Variants in PHLPP1 observed in about 807,000 individuals in gnomAD.
The protein encoded by PHLPP1 is PH domain and leucine rich repeat protein phosphatase 1.
PHLPP1 carries 42 observed loss-of-function variants against 117.2 expected under a neutral mutation model. The observed-to-expected ratio is 0.36, with a 90% CI of 0.28 to 0.46. PHLPP1 has a LOEUF of 0.46. Among genes scored for constraint, PHLPP1 ranks in the 20% least tolerant of loss-of-function variants. The pLI, the probability that PHLPP1 is intolerant of heterozygous loss-of-function variation, is 1.00. For missense variants in PHLPP1, 2,084 were observed against 2,241.9 expected, an observed-to-expected ratio of 0.93 and a Z score of 1.42; for synonymous variants, 1,042 against 970.7, an observed-to-expected ratio of 1.07 and a Z score of -1.37.
At position 62,860,458 on chromosome 18, in the gene PHLPP1, A is replaced by G. The variant is rs190711929; in HGVS notation, c.1923A>G (p.Ser641=). 5 of 1,613,922 alleles carry G rather than the reference A, an allele frequency of 3.1e-6. No homozygotes were observed. The highest frequency in any genetic ancestry group is 4.2e-6 in the Non-Finnish European group (5 of 1,179,816). The part of the protein sequence containing the change: ...VSKVASQRIS[S]VDLSCCSLEH... ...AGGTTGCATCCCAGCGCATTAGCTC[A>G]GTGGACCTCTCGTGTTGTAGCCTGG... is the stretch of plus-strand genomic sequence containing the variant. Residue 641 remains serine (S), a synonymous_variant, in exon 4 of 17, where the codon TCA becomes TCG. Coordinates refer to ENST00000262719, the MANE Select transcript of PHLPP1 (RefSeq NM_194449.4).
chr18:62,881,010 AC>A (rs1380504578), intron 4 of PHLPP1, among the ~76,000 whole-genome samples: 3 of 152,204 alleles, frequency 2.0e-5, no homozygotes, highest in Admixed American at 6.5e-5. Context: ...GCACATAGTA[AC>A]CAGTAAGTAC....
chr18:62,801,484 C>T (rs998188091), intron 1 of PHLPP1, among the ~76,000 whole-genome samples: 5 of 151,138 alleles, frequency 3.3e-5, no homozygotes, highest in Non-Finnish European at 7.4e-5. Context: ...TCCCTCTGTC[C>T]GTCCGTCGCC....
chr18:62,832,144 T>C (rs1914776204), intron 2 of PHLPP1: 1 of 152,268 alleles, frequency 6.6e-6, no homozygotes, highest in Admixed American at 6.5e-5. Flanking sequence ...TTCAGTATCC[T>C]CTTTGGGGAA....
chr18:62,951,139 G>A (rs1158976072), intron 12 of PHLPP1, among the ~76,000 whole-genome samples: 4 of 151,836 alleles, frequency 2.6e-5, no homozygotes, highest in African/African-American at 4.8e-5. Flanking sequence ...CCGCCACCAC[G>A]CCCGGCTATT....
At chr18:62,976,700 GTT>G (rs1204114050) in intron 16 of PHLPP1, among the ~76,000 whole-genome samples, 1 of 152,158 alleles carries the variant, frequency 6.6e-6, no homozygotes, top group Non-Finnish European at 1.5e-5. Flanking sequence ...GAGTCTTTCT[GTT>G]TCTTTCTTAA....
chr18:62,863,091 G>T (rs1915672246), intron 4 of PHLPP1, among the ~76,000 whole-genome samples: 1 of 150,086 alleles, frequency 6.7e-6, no homozygotes. Flanking sequence ...TATTAAGAAA[G>T]TAAAGGAATA....
intron 1 of PHLPP1, among the ~76,000 whole-genome samples, chr18:62,717,890 C>T (rs1910808804): frequency 6.6e-6 from 1 of 152,044 alleles, no homozygotes; most frequent in South Asian, 2.1e-4. Flanking sequence ...GCAAGTTTGT[C>T]TTGCATAAAA....
intron 1 of PHLPP1, among the ~76,000 whole-genome samples, chr18:62,764,286 T>G (rs1414335818): frequency 6.6e-6 from 1 of 152,210 alleles, no homozygotes; most frequent in African/African-American, 2.4e-5. Context: ...ATAGGCAGAT[T>G]ATTCTTTCTC....
chr18:62,880,079 G>A (rs1035867113), intron 4 of PHLPP1, among the ~76,000 whole-genome samples: 14 of 151,968 alleles, frequency 9.2e-5, no homozygotes, highest in South Asian at 2.1e-4. Context: ...TGAAAACCAT[G>A]TCTAAATCAC....
At chr18:62,964,612 A>G (rs888640714) in intron 14 of PHLPP1, among the ~76,000 whole-genome samples, 1 of 152,178 alleles carries the variant, frequency 6.6e-6, no homozygotes, top group Non-Finnish European at 1.5e-5. Context: ...GGTGTGCCTC[A>G]GTTCTGCCTG....
intron 1 of PHLPP1, among the ~76,000 whole-genome samples, chr18:62,720,873 C>T (rs968973942): frequency 1.3e-5 from 2 of 152,010 alleles, no homozygotes; most frequent in South Asian, 2.1e-4. Context: ...TTATTTCATT[C>T]GCCCTTTCAA....
chr18:62,733,478 G>A lies in PHLPP1; in HGVS notation c.1576+16219G>A, dbSNP rs12459002. Among the ~76,000 whole-genome samples, 587 of 152,202 alleles carry A rather than the reference G, an allele frequency of 3.9e-3. 2 individuals are homozygous for A. The highest frequency in any genetic ancestry group is 6.1e-3 in the Non-Finnish European group (417 of 68,010). On this transcript the variant is annotated intron_variant, in intron 1 of 16. Coordinates refer to ENST00000262719, the MANE Select transcript of PHLPP1 (RefSeq NM_194449.4). ...TTCATGTGACTTTATTGTGATATTCGCCCTATAACAGTGGTCTGGAACTGA... is the reference window on the plus strand; with the variant it reads ...TTCATGTGACTTTATTGTGATATTCACCCTATAACAGTGGTCTGGAACTGA...
intron 1 of PHLPP1, among the ~76,000 whole-genome samples, chr18:62,730,045 T>A (rs1481024579): frequency 6.6e-6 from 1 of 152,244 alleles, no homozygotes; most frequent in Non-Finnish European, 1.5e-5. Flanking sequence ...TGTCTAGATT[T>A]GGACAGTGAG....
intron 1 of PHLPP1, among the ~76,000 whole-genome samples, chr18:62,755,695 ACAT>A (rs983291992): frequency 2.0e-5 from 3 of 152,160 alleles, no homozygotes; most frequent in Non-Finnish European, 2.9e-5. Flanking sequence ...TGTGAGAAAT[ACAT>A]TTCTGTTGTT....
intron 1 of PHLPP1, among the ~76,000 whole-genome samples, chr18:62,803,908 G>A (rs1405260077): frequency 6.6e-6 from 1 of 152,092 alleles, no homozygotes; most frequent in East Asian, 1.9e-4. Flanking sequence ...TGGGCTCATT[G>A]TGATTTTAAT....
Position 62,716,605 on chromosome 18 carries a change from G to T in PHLPP1, c.922G>T (p.Gly308Cys), listed in dbSNP as rs1201771673. Residue 308 changes from glycine to cysteine, a missense_variant, in exon 1 of 17, where the codon GGC (glycine) becomes TGC (cysteine). Coordinates refer to ENST00000262719, the MANE Select transcript of PHLPP1 (RefSeq NM_194449.4). This position sits in a 1 kb window ranked among gnomAD's most constrained non-coding sequence, Gnocchi z 5.7. ...PPADLPLPVG[G>C]PGGWSRRASP... ...CGCCGACCTACCCCTGCCCGTCGGC[G>T]GCCCGGGCGGGTGGTCGCGCCGCGC... 4 of 1,298,786 alleles carry T rather than the reference G, an allele frequency of 3.1e-6. No individual in the cohort carries two copies. The African/African-American group carries it at 6.2e-5, about 20-fold the overall frequency. The allele number at this position is 1,298,786 out of a possible 1,614,324, so 80.5% of individuals were successfully genotyped here.
At position 62,830,213 on chromosome 18, in the gene PHLPP1, G is replaced by A. The variant is rs1397587801; in HGVS notation, c.1755G>A (p.Leu585=). The A allele has an allele frequency of 1.3e-6, 2 of 1,558,536 alleles. No individual in the cohort carries two copies. Among genetic ancestry groups the A allele is most frequent in the Non-Finnish European group, 1.7e-6 (2 of 1,150,606 alleles). The change falls in exon 2 of 17, where the codon CTG becomes CTA. Residue 585 remains leucine, a synonymous_variant. Coordinates refer to ENST00000262719, the MANE Select transcript of PHLPP1 (RefSeq NM_194449.4). The stretch of plus-strand genomic sequence containing the variant: ...GCTTGACCGGAAAGATGCATGTTCT[G>A]CCACTAATTGGTGGAAAAGTAAGTT... ...KDSLTGKMHV[L]PLIGGKVEEV...
chr18:62,823,880 C>T (rs1432382616), intron 1 of PHLPP1, among the ~76,000 whole-genome samples: 1 of 152,066 alleles, frequency 6.6e-6, no homozygotes, highest in African/African-American at 2.4e-5. Context: ...TCCTGTAATT[C>T]CAGCACTTCG....
intron 1 of PHLPP1, among the ~76,000 whole-genome samples, chr18:62,749,486 T>G (rs1385952559): frequency 6.6e-6 from 1 of 152,248 alleles, no homozygotes; most frequent in Non-Finnish European, 1.5e-5. Flanking sequence ...TCCCGTTGTA[T>G]TATTCTGCTC....
Sources: gnomAD v4.1 joint callset for allele counts (sites outside exome capture counted in the v4.1 genomes callset) on GRCh38, gnomAD v4.1.1 for gene constraint, Gnocchi (gnomAD v3.1) non-coding constraint, MANE v1.5 for transcripts, NCBI Gene and HGNC (gene_info 2026-07-23, HGNC 2026-07-21) for gene names.